CAP1: variants seen among roughly 807,000 people sequenced by gnomAD.
CAP1 encodes the protein adenylyl cyclase-associated protein 1.
CAP1 carries 11 observed loss-of-function variants against 58.2 expected under a neutral mutation model. That is an observed-to-expected ratio of 0.19 (90% confidence interval 0.12 to 0.31). CAP1 has a LOEUF of 0.31. CAP1 is among the 10% of genes least tolerant of loss of function. CAP1 has a pLI of 1.00. For synonymous variants in CAP1, 183 were observed against 213.8 expected (o/e 0.86, Z 1.26); for missense variants, 423 against 587.5 (o/e 0.72, Z 2.89).
Position 40,070,293 on chromosome 1 carries a change from G to T in CAP1, c.1117+11G>T, listed in dbSNP as rs780127128. On this transcript the variant is annotated intron_variant, in intron 10 of 12. Transcript: ENST00000372805. Reference sequence around the variant, plus strand: ...ACTCCATTACAGTAGGTGAGTCTTTGTCGCTGTCCCACGCAAGCCCCGTCC... The same window carrying T: ...ACTCCATTACAGTAGGTGAGTCTTTTTCGCTGTCCCACGCAAGCCCCGTCC... 2 of 1,614,076 alleles carry T rather than the reference G, an allele frequency of 1.2e-6. No individual in the cohort carries two copies. The highest frequency in any genetic ancestry group is 2.2e-5 in the South Asian group (2 of 91,074).
At chr1:40,071,115 A>G (rs1185884851) in intron 12 of CAP1, 136 bp downstream of exon 12, 2 of 844,784 alleles carry the variant, frequency 2.4e-6, no homozygotes, top group African/African-American at 3.4e-5. Context: ...AAGTACACAG[A>G]AATGAGGTAG....
chr1:40,071,079 G>A, intron 12 of CAP1, 100 bp downstream of exon 12: 1 of 1,133,314 alleles, frequency 8.8e-7, no homozygotes, highest in Admixed American at 2.2e-5. Flanking sequence ...GCACTGAGCA[G>A]GTAAAAACCC....
chr1:40,041,184 A>T lies in CAP1; in HGVS notation c.-11+383A>T, dbSNP rs374891876. Among the ~76,000 whole-genome samples, 7 of 152,362 alleles carry T rather than the reference A, an allele frequency of 4.6e-5. No homozygotes were observed. In the East Asian group the frequency reaches 1.2e-3, roughly 25 times the overall value. The stretch of plus-strand genomic sequence containing the variant: ...GAGAAGAGGCTAGTCTGAGATATAT[A>T]GCGAGTGAGGAAAAGAATCGGAATC... On this transcript the variant is annotated intron_variant, in intron 1 of 12. Coordinates refer to ENST00000372805, the MANE Select transcript of CAP1 (RefSeq NM_006367.4).
intron 3 of CAP1, among the ~76,000 whole-genome samples, chr1:40,060,964 T>G (rs1234811504): frequency 1.3e-5 from 2 of 152,220 alleles, no homozygotes; most frequent in Non-Finnish European, 2.9e-5. Context: ...TTTAAAACAT[T>G]TATCATTTGT....
At chr1:40,049,888 C>CA (rs1273202451) in intron 1 of CAP1, among the ~76,000 whole-genome samples, 29 of 152,182 alleles carry the variant, frequency 1.9e-4, no homozygotes, top group African/African-American at 6.5e-4. Flanking sequence ...GCTGTGCTCA[C>CA]AGTCAGTACC....
At chr1:40,055,540 G>C (rs978293167) in intron 1 of CAP1, among the ~76,000 whole-genome samples, 1 of 151,918 alleles carries the variant, frequency 6.6e-6, no homozygotes, top group Non-Finnish European at 1.5e-5. Flanking sequence ...ACAGGATCTT[G>C]CTTTGTTGCC....
rs1043132121 is a variant in CAP1, at chr1:40,048,957, T to C, written c.-11+8156T>C. Among the ~76,000 whole-genome samples the C allele has an allele frequency of 5.3e-5, 8 of 152,216 alleles. No homozygotes were observed. In the East Asian group the frequency reaches 1.5e-3, roughly 29 times the overall value. ...GGATGATGACTTAGAAAAACAACTG[T>C]GGGACAAAGTAGAAAACATTTCAAG... is the stretch of plus-strand genomic sequence containing the variant. On this transcript the variant is annotated intron_variant, in intron 1 of 12. Coordinates refer to ENST00000372805, the MANE Select transcript of CAP1 (RefSeq NM_006367.4).
intron 1 of CAP1, among the ~76,000 whole-genome samples, chr1:40,046,480 CAAAA>C (rs77538985): frequency 6.6e-6 from 1 of 151,728 alleles, no homozygotes; most frequent in Non-Finnish European, 1.5e-5. Context: ...CAAAACAAAA[CAAAA>C]AAAAACAAAC....
intron 1 of CAP1, among the ~76,000 whole-genome samples, chr1:40,055,752 T>C (rs574521161): frequency 6.6e-6 from 1 of 152,286 alleles, no homozygotes; most frequent in Admixed American, 6.5e-5. Flanking sequence ...CAAGCAACCC[T>C]CCTGTCTTGG....
Position 40,070,465 on chromosome 1 carries a change from G to C in CAP1, c.1153G>C (p.Val385Leu). The C allele has an allele frequency of 6.2e-7, 1 of 1,613,972 alleles. No homozygotes were observed. ...GAAACTTGGCCTGGTATTCGATGAC[G>C]TGGTGGGCATTGTGGAGATAATCAA... is the stretch of plus-strand genomic sequence containing the variant. ...CKKLGLVFDD[V>L]VGIVEIINSK... The change falls in exon 11 of 13, where the codon GTG (valine) becomes CTG (leucine). Residue 385 changes from valine (V) to leucine (L), a missense_variant. Coordinates refer to ENST00000372805, the MANE Select transcript of CAP1 (RefSeq NM_006367.4).
chr1:40,048,191 C>T (rs1188337083), intron 1 of CAP1, among the ~76,000 whole-genome samples: 6 of 152,104 alleles, frequency 3.9e-5, no homozygotes, highest in Non-Finnish European at 8.8e-5. Flanking sequence ...CCCACCATCA[C>T]GCCTGGCTAA....
At chr1:40,063,111 C>T (rs1646927678) in intron 4 of CAP1, among the ~76,000 whole-genome samples, 1 of 152,140 alleles carries the variant, frequency 6.6e-6, no homozygotes, top group Non-Finnish European at 1.5e-5. Flanking sequence ...ATCCTCCCAC[C>T]TCAGCCTCCT....
chr1:40,066,053 G>T (rs1452022938), intron 6 of CAP1, among the ~76,000 whole-genome samples, 162 bp from the exon 7 acceptor site: 1 of 152,194 alleles, frequency 6.6e-6, no homozygotes, highest in African/African-American at 2.4e-5. Context: ...AGACTAGGTT[G>T]TATATACATA....
upstream of CAP1, chr1:40,040,709 G>C (rs1254636024): frequency 6.5e-6 from 1 of 152,836 alleles, no homozygotes; most frequent in African/African-American, 2.4e-5. Flanking sequence ...CCCAGTGAGG[G>C]CCCGGAAGTG....
At chr1:40,042,058 G>A (rs1039222078) in intron 1 of CAP1, among the ~76,000 whole-genome samples, 3 of 152,056 alleles carry the variant, frequency 2.0e-5, no homozygotes, top group Non-Finnish European at 1.5e-5. Context: ...TGTATTTTTA[G>A]TAGAGATGGG....
At chr1:40,046,377 C>T (rs536107325) in intron 1 of CAP1, among the ~76,000 whole-genome samples, 1 of 152,008 alleles carries the variant, frequency 6.6e-6, no homozygotes, top group South Asian at 2.1e-4. Context: ...ATCACTTGAA[C>T]CCGGGGAGGT....
At chr1:40,064,618 CCAGGCTGAAGTACAGTGG>C in intron 6 of CAP1, 59 bp downstream of exon 6, 12 of 1,336,062 alleles carry the variant, frequency 9.0e-6, no homozygotes, top group Non-Finnish European at 1.3e-5. Flanking sequence ...GCGTTGTCAC[CCAGGCTGAAGTACAGTGG>C]CACAATCACA....
chr1:40,040,401 T>C (rs1417706970), upstream of CAP1: 1 of 152,350 alleles, frequency 6.6e-6, no homozygotes, highest in African/African-American at 2.4e-5. Flanking sequence ...TCTTCTGTTC[T>C]TTCCAGAGAG....
At position 40,067,577 on chromosome 1, in the gene CAP1, G is replaced by C. The variant is rs778708666; in HGVS notation, c.668G>C (p.Gly223Ala). Residue 223 changes from glycine to alanine, a missense_variant, in exon 8 of 13, where the codon GGA becomes GCA. By Grantham distance (60) the Gly-to-Ala change is moderately conservative. Transcript: ENST00000372805. Reference sequence around the variant, plus strand: ...AAAGAACTGAGCGGACTGCCATCTGGACCCTCTGCCGGATCATGTCCTCCT... The same window carrying C: ...AAAGAACTGAGCGGACTGCCATCTGCACCCTCTGCCGGATCATGTCCTCCT... ...VAKELSGLPSGPSAGSCPPPP... is the reference protein window; with the variant it reads ...VAKELSGLPSAPSAGSCPPPP... 1.2e-6 allele frequency: 2 copies of C among 1,610,468 alleles called. No individual in the cohort carries two copies. Among genetic ancestry groups the C allele is most frequent in the Non-Finnish European group, 1.7e-6 (2 of 1,178,230 alleles).
Sources: allele counts gnomAD v4.1 joint callset (sites outside exome capture counted in the v4.1 genomes callset), GRCh38; gene constraint gnomAD v4.1.1; transcripts MANE v1.5; gene names NCBI Gene and HGNC (gene_info 2026-07-23, HGNC 2026-07-21).